The following ROBO2 variants were observed in gnomAD, a reference collection of about 807,000 sequenced individuals.
ROBO2 encodes the protein roundabout guidance receptor 2.
In ROBO2, 53 loss-of-function variants were observed where a neutral mutation model predicts 160.8. The ratio of observed to expected loss-of-function variants is 0.33; its 90% CI spans 0.26 to 0.41. ROBO2 has a LOEUF of 0.41. Ranked by LOEUF, ROBO2 falls within the 10% of genes least tolerant of loss-of-function variation. The probability of loss-of-function intolerance (pLI) is 1.00; values close to 1 mark genes in which losing one functional copy is unlikely to be tolerated. For synonymous variants in ROBO2, 664 were observed against 611.7 expected, an observed-to-expected ratio of 1.09 and a Z score of -1.26; for missense variants, 1,577 against 1,722.4, an observed-to-expected ratio of 0.92 and a Z score of 1.49.
intron 2 of ROBO2, among the ~76,000 whole-genome samples, chr3:76,239,153 AC>A (rs1178773210): frequency 6.6e-6 from 1 of 152,158 alleles, no homozygotes; most frequent in Non-Finnish European, 1.5e-5. Flanking sequence ...AGGAATGATG[AC>A]TTTGGTAGAA....
intron 2 of ROBO2, among the ~76,000 whole-genome samples, chr3:76,666,064 T>A (rs1411521700): frequency 1.4e-5 from 2 of 146,116 alleles, no homozygotes; most frequent in Admixed American, 1.4e-4. Context: ...CCTCTAAATA[T>A]GTTCTCCACA....
chr3:76,598,993 CAA>C (rs2086918081), intron 2 of ROBO2, among the ~76,000 whole-genome samples: 2 of 152,028 alleles, frequency 1.3e-5, no homozygotes, highest in South Asian at 4.1e-4. Context: ...TCAAAGACAG[CAA>C]AAAGTAACCT....
At chr3:77,419,403 T>C (rs2153530580) in intron 2 of ROBO2, among the ~76,000 whole-genome samples, 1 of 152,218 alleles carries the variant, frequency 6.6e-6, no homozygotes, top group African/African-American at 2.4e-5. Context: ...AAGAGAGTTA[T>C]CTATAAACAT....
intron 2 of ROBO2, among the ~76,000 whole-genome samples, chr3:77,007,927 T>G (rs2061667038): frequency 6.6e-6 from 1 of 152,072 alleles, no homozygotes; most frequent in African/African-American, 2.4e-5. Flanking sequence ...AATATTGTTA[T>G]TTTAAATGAA....
intron 2 of ROBO2, among the ~76,000 whole-genome samples, chr3:77,231,078 TTC>T (rs1270937521): frequency 7.3e-6 from 1 of 137,694 alleles, no homozygotes. Context: ...TTAAGAATCC[TTC>T]TAGGCCCATT....
At chr3:76,528,957 G>C (rs2082087434) in intron 2 of ROBO2, among the ~76,000 whole-genome samples, 1 of 152,142 alleles carries the variant, frequency 6.6e-6, no homozygotes, top group African/African-American at 2.4e-5. Context: ...CAAGTAGAAA[G>C]AGGTGGGAGA....
intron 2 of ROBO2, among the ~76,000 whole-genome samples, chr3:75,953,896 A>G (rs1381998792): frequency 6.6e-6 from 1 of 151,944 alleles, no homozygotes; most frequent in Non-Finnish European, 1.5e-5. Context: ...CTATTAGACT[A>G]AAATGTAATT....
intron 24 of ROBO2, among the ~76,000 whole-genome samples, 189 bp from the exon 27 acceptor site, chr3:77,644,515 A>G (rs973129184): frequency 5.3e-5 from 8 of 152,100 alleles, no homozygotes; most frequent in South Asian, 2.1e-4. Flanking sequence ...TTTGGTTCCT[A>G]TTGTAGGAAA....
At chr3:77,422,189 A>G (rs1383193121) in intron 2 of ROBO2, among the ~76,000 whole-genome samples, 1 of 152,144 alleles carries the variant, frequency 6.6e-6, no homozygotes, top group African/African-American at 2.4e-5. Context: ...ACTCGGTTTT[A>G]TGGAACTGTA....
intron 2 of ROBO2, among the ~76,000 whole-genome samples, chr3:76,239,340 G>A (rs1705150215): frequency 1.4e-5 from 2 of 139,172 alleles, no homozygotes; most frequent in Non-Finnish European, 3.1e-5. Context: ...GCATGTTTAT[G>A]TAGTATAGAA....
rs369652984 is a variant in ROBO2 at position 76,228,605 on chromosome 3, G to A, written c.109+291003G>A. Among the ~76,000 whole-genome samples, 243 of 152,112 alleles carry A rather than the reference G, an allele frequency of 1.6e-3. 1 individual carries two copies. The highest frequency in any genetic ancestry group is 2.6e-3 in the Non-Finnish European group (179 of 67,972). On this transcript the variant is annotated intron_variant, in intron 2 of 26. Transcript: ENST00000487694. ...CTTATTCTTGTATCTTTAATTCAGC[G>A]TTGCAAATCAGAATTTTCATTTGCC...
At chr3:76,537,735 T>G (rs1397869916) in intron 2 of ROBO2, among the ~76,000 whole-genome samples, 3 of 152,090 alleles carry the variant, frequency 2.0e-5, no homozygotes, top group Non-Finnish European at 4.4e-5. Context: ...GCAACAAGGC[T>G]GCTTATTCAC....
intron 2 of ROBO2, among the ~76,000 whole-genome samples, chr3:76,721,149 T>G (rs251553): frequency 0.47 from 71,642 of 151,966 alleles, 17,338 homozygotes; most frequent in Non-Finnish European, 0.53. Flanking sequence ...AATCAATCTG[T>G]AATCTCAAGT....
chr3:77,428,341 T>A lies in ROBO2; in HGVS notation c.389-49073T>A, dbSNP rs1174665607. Among the ~76,000 whole-genome samples, 7 of 42,034 alleles carry A rather than the reference T, an allele frequency of 1.7e-4. No individual in the cohort carries two copies. The East Asian group carries it at 8.3e-3, about 50-fold the overall frequency. 27.6% of individuals were successfully genotyped at this position (42,034 alleles called of 152,430 possible). A position where few individuals can be genotyped will look rare whatever the true frequency, so the allele number is the denominator to read the frequency against. On this transcript the variant is annotated intron_variant, in intron 2 of 25. Coordinates refer to ENST00000461745, the Ensembl canonical transcript of ROBO2. ...ATTCACAGCAAAACTTAGGTAATATTTTTTTTTTTTTTTTTTTTTTTTTTT... is the reference window on the plus strand; with the variant it reads ...ATTCACAGCAAAACTTAGGTAATATATTTTTTTTTTTTTTTTTTTTTTTTT...
intron 2 of ROBO2, among the ~76,000 whole-genome samples, chr3:77,137,773 G>T (rs547295622): frequency 2.6e-5 from 4 of 152,284 alleles, no homozygotes; most frequent in South Asian, 2.1e-4. Context: ...GTGAGGAAAC[G>T]CAAGGCAGGA....
intron 2 of ROBO2, among the ~76,000 whole-genome samples, chr3:77,006,936 G>C (rs541642090): frequency 7.2e-5 from 11 of 152,166 alleles, no homozygotes; most frequent in African/African-American, 2.4e-4. Context: ...AAAATATATG[G>C]TGGTTAAGTA....
At chr3:76,752,538 A>G (rs536917945) in intron 2 of ROBO2, among the ~76,000 whole-genome samples, 1 of 151,770 alleles carries the variant, frequency 6.6e-6, no homozygotes, top group Non-Finnish European at 1.5e-5. Context: ...GAAGTGTTCA[A>G]GATTGAGGAG....
rs72890322 is a variant in ROBO2, at chr3:75,976,516, C to T, written c.109+38914C>T. Among the ~76,000 whole-genome samples the T allele has an allele frequency of 7.1e-3, 1,073 of 151,428 alleles. 11 individuals are homozygous for T. The highest frequency in any genetic ancestry group is 0.024 in the African/African-American group (1,010 of 41,378). ...GGGAAATTTTTTGTGACTCTCAGAG[C>T]GGAAGAGAGGAACTTCAAAGACATT... On this transcript the variant is annotated intron_variant, in intron 2 of 26. Coordinates refer to the ROBO2 transcript ENST00000487694.
At chr3:76,635,682 A>G (rs191163970) in intron 2 of ROBO2, among the ~76,000 whole-genome samples, 2,015 of 152,322 alleles carry the variant, frequency 0.013, 17 homozygotes, top group Admixed American at 0.017. Context: ...TTCATCTTCT[A>G]TATGATAGAG....
Sources: gnomAD v4.1 joint callset for allele counts (sites outside exome capture counted in the v4.1 genomes callset) on GRCh38, gnomAD v4.1.1 for gene constraint, MANE v1.5 for transcripts, NCBI Gene and HGNC (gene_info 2026-07-23, HGNC 2026-07-21) for gene names.